SGMS2: variants seen among roughly 807,000 people sequenced by gnomAD.
SGMS2 encodes sphingomyelin synthase 2.
SGMS2 carries 21 observed loss-of-function variants against 43.8 expected under a neutral mutation model. The ratio of observed to expected loss-of-function variants is 0.48; its 90% CI spans 0.34 to 0.69. The LOEUF (loss-of-function observed/expected upper bound fraction) is 0.69. Ranked by LOEUF, SGMS2 falls within the 30% of genes least tolerant of loss-of-function variation. SGMS2 has a pLI of 0.01. For synonymous variants in SGMS2, 167 were observed against 160.6 expected, an observed-to-expected ratio of 1.04 and a Z score of -0.30; for missense variants, 384 against 443.2, an observed-to-expected ratio of 0.87 and a Z score of 1.20.
rs117727939 is a variant in SGMS2, at chr4:107,907,587, G to T, written c.728-978G>T. Among the ~76,000 whole-genome samples, 26 of 152,192 alleles carry T rather than the reference G, an allele frequency of 1.7e-4. No homozygotes were observed. The East Asian group carries it at 4.8e-3, about 28-fold the overall frequency. ...GATCGTGCCATTGAACTCCAGCATGGGCGACAAGAGCGAAACTCCCTCTCA... is the reference window on the plus strand; with the variant it reads ...GATCGTGCCATTGAACTCCAGCATGTGCGACAAGAGCGAAACTCCCTCTCA... On this transcript the variant is annotated intron_variant, in intron 5 of 6. Transcript: ENST00000690982.
At chr4:107,826,965 T>A (rs957110052) in intron 1 of SGMS2, among the ~76,000 whole-genome samples, 7 of 152,232 alleles carry the variant, frequency 4.6e-5, no homozygotes, top group Non-Finnish European at 1.0e-4. Flanking sequence ...CCAGGAGACC[T>A]GAGGCTCTCT....
intron 1 of SGMS2, among the ~76,000 whole-genome samples, chr4:107,846,647 C>G (rs532224150): frequency 3.3e-5 from 5 of 151,966 alleles, no homozygotes; most frequent in Non-Finnish European, 7.4e-5. Context: ...ATGGCTGGGT[C>G]CAATGGTATT....
intron 2 of SGMS2, among the ~76,000 whole-genome samples, chr4:107,890,313 G>A (rs1013878635): frequency 6.6e-6 from 1 of 152,102 alleles, no homozygotes; most frequent in Non-Finnish European, 1.5e-5. Flanking sequence ...AGCAGAGGGT[G>A]AAAGAGAAAG....
chr4:107,895,900 A>T lies in SGMS2; in HGVS notation c.347A>T (p.Lys116Met). The stretch of plus-strand genomic sequence containing the variant: ...GAGCTTAGCCCTCCACTCCCAGACA[A>T]GTTTTTTGATTACATTGATAGGGTG... Reference protein sequence around the residue: ...PKELSPPLPDKFFDYIDRVKW... With the variant: ...PKELSPPLPDMFFDYIDRVKW... The change falls in exon 3 of 7, where the codon AAG becomes ATG. Residue 116 changes from lysine to methionine, a missense_variant. By Grantham distance (95) the Lys-to-Met change is moderately conservative. Coordinates refer to ENST00000690982, the MANE Select transcript of SGMS2 (RefSeq NM_001375905.1). 1.9e-6 allele frequency: 3 copies of T among 1,613,906 alleles called. No individual in the cohort carries two copies. The highest frequency in any genetic ancestry group is 2.5e-6 in the Non-Finnish European group (3 of 1,179,924).
intron 1 of SGMS2, among the ~76,000 whole-genome samples, chr4:107,840,141 G>A (rs369061588): frequency 3.3e-5 from 5 of 152,192 alleles, no homozygotes; most frequent in African/African-American, 1.2e-4. Context: ...ACATACATAT[G>A]TAATTTTTCA....
chr4:107,846,632 A>G (rs1283097516), intron 1 of SGMS2, among the ~76,000 whole-genome samples: 1 of 151,894 alleles, frequency 6.6e-6, no homozygotes, highest in African/African-American at 2.4e-5. Flanking sequence ...ATACCCAGTA[A>G]TGGGATGGCT....
At chr4:107,901,590 T>A (rs1232237783) in intron 4 of SGMS2, among the ~76,000 whole-genome samples, 1 of 152,206 alleles carries the variant, frequency 6.6e-6, no homozygotes, top group African/African-American at 2.4e-5. Context: ...AAGCTTTGCT[T>A]TCCTAGTTTT....
At chr4:107,857,054 C>G (rs1727468375) in intron 1 of SGMS2, among the ~76,000 whole-genome samples, 1 of 152,196 alleles carries the variant, frequency 6.6e-6, no homozygotes, top group African/African-American at 2.4e-5. Context: ...TTGGCAACCA[C>G]AAATCTTTCT....
At chr4:107,832,909 T>C (rs1725969655) in intron 1 of SGMS2, among the ~76,000 whole-genome samples, 1 of 152,078 alleles carries the variant, frequency 6.6e-6, no homozygotes, top group African/African-American at 2.4e-5. Flanking sequence ...ACACCTGAAG[T>C]CCCAGCTATT....
At chr4:107,853,268 A>G (rs1011759722) in intron 1 of SGMS2, among the ~76,000 whole-genome samples, 1 of 152,220 alleles carries the variant, frequency 6.6e-6, no homozygotes, top group Admixed American at 6.5e-5. Flanking sequence ...CTTAAAAAAA[A>G]AGTCCTGTTT....
In SGMS2 at chr4:107,878,446, A is replaced by G. The variant is rs73838263; in HGVS notation, c.-244-16864A>G. Among the ~76,000 whole-genome samples the G allele has an allele frequency of 5.0e-3, 761 of 152,236 alleles. 11 individuals carry two copies. Among genetic ancestry groups the G allele is most frequent in the African/African-American group, 0.018 (736 of 41,534 alleles). On this transcript the variant is annotated intron_variant, in intron 2 of 6. Coordinates refer to ENST00000690982, the MANE Select transcript of SGMS2 (RefSeq NM_001375905.1). ...GAACCTCTCATCTAGGGTATATTTGAATGGAAATGTGAAGAATTATTTCAA... is the reference window on the plus strand; with the variant it reads ...GAACCTCTCATCTAGGGTATATTTGGATGGAAATGTGAAGAATTATTTCAA...
Position 107,914,511 on chromosome 4 carries a change from C to T in SGMS2, c.*3958C>T, listed in dbSNP as rs1228281116. ...ATTATTACAAGGTTTCAGAGGTAGC[C>T]AATTGCATTCTTTTGGAAATTTACT... On this transcript the variant is annotated 3_prime_UTR_variant, in exon 7 of 7. Transcript: ENST00000690982. 1 of 152,030 alleles carries T rather than the reference C, an allele frequency of 6.6e-6. No individual in the cohort carries two copies. Among genetic ancestry groups the T allele is most frequent in the African/African-American group, 2.4e-5 (1 of 41,416 alleles). The allele number at this position is 152,030 out of a possible 1,614,324, so 9.4% of individuals were successfully genotyped here.
At chr4:107,854,792 T>C (rs1386069325) in intron 1 of SGMS2, among the ~76,000 whole-genome samples, 1 of 152,164 alleles carries the variant, frequency 6.6e-6, no homozygotes, top group Non-Finnish European at 1.5e-5. Context: ...AGTTATGCCT[T>C]GGGATTTATT....
intron 6 of SGMS2, among the ~76,000 whole-genome samples, chr4:107,910,052 T>G (rs911255404): frequency 1.3e-5 from 2 of 152,134 alleles, no homozygotes; most frequent in Non-Finnish European, 2.9e-5. Context: ...ATTTGATCAC[T>G]CACACATCCT....
chr4:107,902,676 G>T (rs952424494), intron 4 of SGMS2, among the ~76,000 whole-genome samples: 1 of 152,130 alleles, frequency 6.6e-6, no homozygotes, highest in African/African-American at 2.4e-5. Flanking sequence ...TTTTAAAGCT[G>T]CCAGTACATC....
chr4:107,909,270 T>C (rs542284914), intron 6 of SGMS2, among the ~76,000 whole-genome samples: 46 of 151,982 alleles, frequency 3.0e-4, no homozygotes, highest in Non-Finnish European at 1.8e-4. Flanking sequence ...CACGCCTGGC[T>C]AATTTTTATT....
chr4:107,838,059 G>A (rs1037594614), intron 1 of SGMS2, among the ~76,000 whole-genome samples: 1 of 152,028 alleles, frequency 6.6e-6, no homozygotes, highest in Non-Finnish European at 1.5e-5. Context: ...ATAAAGTTAT[G>A]GGAAGTCTAG....
chr4:107,893,841 A>G (rs1267618897), intron 2 of SGMS2, among the ~76,000 whole-genome samples: 1 of 152,142 alleles, frequency 6.6e-6, no homozygotes, highest in East Asian at 1.9e-4. Context: ...TTACCTAGTG[A>G]TCAGCTCATC....
chr4:107,892,028 T>C (rs751039281), intron 2 of SGMS2, among the ~76,000 whole-genome samples: 3 of 151,780 alleles, frequency 2.0e-5, no homozygotes, highest in African/African-American at 7.3e-5. Flanking sequence ...GGCTGCTTTC[T>C]GTTAGAAGGG....
Sources: allele counts gnomAD v4.1 joint callset (sites outside exome capture counted in the v4.1 genomes callset), GRCh38; gene constraint gnomAD v4.1.1; transcripts MANE v1.5; gene names NCBI Gene and HGNC (gene_info 2026-07-23, HGNC 2026-07-21).